Variants in FGFR2 observed in about 807,000 individuals in gnomAD.
FGFR2 encodes the protein fibroblast growth factor receptor 2, also known as BEK fibroblast growth factor receptor.
In FGFR2, 19 loss-of-function variants were observed where a neutral mutation model predicts 95.9. The observed-to-expected ratio is 0.20, with a 90% CI of 0.14 to 0.29. FGFR2 has a LOEUF of 0.29. Ranked by LOEUF, FGFR2 falls within the 10% of genes least tolerant of loss-of-function variation. The probability of loss-of-function intolerance (pLI) is 1.00; values close to 1 mark genes in which losing one functional copy is unlikely to be tolerated. For synonymous variants in FGFR2, 392 were observed against 393.3 expected (o/e 1.00, Z 0.04); for missense variants, 707 against 1,056.9 (o/e 0.67, Z 4.59).
chr10:121,500,664 G>A (rs1847479547), intron 11 of FGFR2, among the ~76,000 whole-genome samples, 162 bp downstream of exon 11: 1 of 152,196 alleles, frequency 6.6e-6, no homozygotes, highest in African/African-American at 2.4e-5. Context: ...AAGATAAATA[G>A]TCTGTCCGAG....
chr10:121,552,904 G>T (rs1049197153), intron 4 of FGFR2, among the ~76,000 whole-genome samples: 1 of 152,140 alleles, frequency 6.6e-6, no homozygotes, highest in African/African-American at 2.4e-5. Flanking sequence ...CAAACCCAAG[G>T]CAAAATGGCC....
At chr10:121,513,984 C>T (rs1000302136) in intron 9 of FGFR2, among the ~76,000 whole-genome samples, 1 of 152,088 alleles carries the variant, frequency 6.6e-6, no homozygotes, top group Non-Finnish European at 1.5e-5. Context: ...TACCTGAAGT[C>T]CCGGGAGAGG....
At chr10:121,482,762 C>G (rs1275506279) in intron 17 of FGFR2, among the ~76,000 whole-genome samples, 1 of 152,202 alleles carries the variant, frequency 6.6e-6, no homozygotes, top group Non-Finnish European at 1.5e-5. Flanking sequence ...CAGTGAGTGA[C>G]AGACGAGTGT....
intron 2 of FGFR2, among the ~76,000 whole-genome samples, chr10:121,588,176 TG>T (rs1167041350): frequency 4.6e-5 from 7 of 151,178 alleles, no homozygotes; most frequent in African/African-American, 1.2e-4. Context: ...CATTTATAAG[TG>T]GGAGCTAAAT....
chr10:121,572,535 C>T (rs1176759751), intron 2 of FGFR2, among the ~76,000 whole-genome samples: 5 of 151,970 alleles, frequency 3.3e-5, no homozygotes, highest in African/African-American at 1.2e-4. Flanking sequence ...AGAGGAGAAT[C>T]GTTTAACCCA....
chr10:121,515,013 T>C, intron 9 of FGFR2, 104 bp downstream of exon 9: 3 of 1,087,848 alleles, frequency 2.8e-6, no homozygotes, highest in Non-Finnish European at 4.1e-6. Context: ...CACTCGCACA[T>C]GGAAGCTCAC....
chr10:121,594,365 T>C (rs1383373475), intron 1 of FGFR2, among the ~76,000 whole-genome samples: 1 of 152,216 alleles, frequency 6.6e-6, no homozygotes, highest in Non-Finnish European at 1.5e-5. Context: ...CGGGTTGGCA[T>C]AACCAACCTC....
intron 4 of FGFR2, among the ~76,000 whole-genome samples, chr10:121,559,609 C>T (rs1856662968): frequency 6.6e-6 from 1 of 152,240 alleles, no homozygotes; most frequent in Non-Finnish European, 1.5e-5. Context: ...CTCCTCACAG[C>T]AGTATCTCCC....
At chr10:121,507,300 G>A (rs1848440611) in intron 9 of FGFR2, among the ~76,000 whole-genome samples, 2 of 152,294 alleles carry the variant, frequency 1.3e-5, no homozygotes, top group South Asian at 4.1e-4. Context: ...TTAAAAACAA[G>A]ACAGGGGCCA....
chr10:121,591,075 A>G (rs1862583315), intron 2 of FGFR2, among the ~76,000 whole-genome samples: 1 of 151,918 alleles, frequency 6.6e-6, no homozygotes, highest in African/African-American at 2.4e-5. Context: ...GCCCATTTTC[A>G]GCTGTTAAAA....
At chr10:121,597,266 C>G (rs1294217029) in intron 1 of FGFR2, among the ~76,000 whole-genome samples, 1 of 152,202 alleles carries the variant, frequency 6.6e-6, no homozygotes, top group Non-Finnish European at 1.5e-5. Context: ...AATGAGCGCG[C>G]AAGTTAGAAC....
At chr10:121,550,264 A>G (rs1855173541) in intron 5 of FGFR2, among the ~76,000 whole-genome samples, 1 of 152,010 alleles carries the variant, frequency 6.6e-6, no homozygotes, top group African/African-American at 2.4e-5. Flanking sequence ...TGTCCCTCCC[A>G]TTGCCAGAGT....
chr10:121,578,363 C>T (rs902396422), intron 2 of FGFR2, among the ~76,000 whole-genome samples: 30 of 152,288 alleles, frequency 2.0e-4, no homozygotes, highest in Non-Finnish European at 4.1e-4. Flanking sequence ...GCCTGGCAGG[C>T]TCCTATTCAG....
Position 121,517,553 on chromosome 10 carries a change from G to A in FGFR2, c.940-90C>T, listed in dbSNP as rs2134264097. 6.7e-7 allele frequency: 1 copy of A among 1,499,804 alleles called. No homozygotes were observed. Among genetic ancestry groups the A allele is most frequent in the South Asian group, 1.1e-5 (1 of 87,262 alleles). The allele number at this position is 1,499,804 out of a possible 1,614,324, so 92.9% of individuals were successfully genotyped here. A position where few individuals can be genotyped will look rare whatever the true frequency, so the allele number is the denominator to read the frequency against. Reference sequence around the variant, plus strand: ...GGAACCACAAGGCGTCGCACCGGGGGCTTCAGGGGGTGCTGGCCACTGGGA... The same window carrying A: ...GGAACCACAAGGCGTCGCACCGGGGACTTCAGGGGGTGCTGGCCACTGGGA... On this transcript the variant is annotated intron_variant, in intron 7 of 17. Transcript: ENST00000358487. This position sits in a 1 kb window ranked among gnomAD's most constrained non-coding sequence, Gnocchi z 4.7.
chr10:121,580,918 C>T (rs1471048894), intron 2 of FGFR2, among the ~76,000 whole-genome samples: 1 of 35,016 alleles, frequency 2.9e-5, no homozygotes, highest in Non-Finnish European at 8.9e-5. Context: ...GGGCTGTGCG[C>T]CGGCTCCCAC....
chr10:121,529,960 T>C (rs1851880999), intron 6 of FGFR2, among the ~76,000 whole-genome samples: 1 of 152,162 alleles, frequency 6.6e-6, no homozygotes, highest in Admixed American at 6.5e-5. Context: ...GCCAAAGCAA[T>C]GAGGCTCCCA....
chr10:121,526,351 TAGG>T (rs1410151732), intron 6 of FGFR2, among the ~76,000 whole-genome samples: 2 of 152,048 alleles, frequency 1.3e-5, no homozygotes, highest in Non-Finnish European at 2.9e-5. Flanking sequence ...GCATGGTTAT[TAGG>T]AGGAGGAGGA....
intron 17 of FGFR2, 34 bp downstream of exon 17, chr10:121,483,664 C>G: frequency 2.0e-6 from 3 of 1,514,870 alleles, no homozygotes; most frequent in Non-Finnish European, 2.7e-6. Flanking sequence ...ACAAGACAAC[C>G]AAGGACAAGG....
chr10:121,572,598 C>A (rs1337231404), intron 2 of FGFR2, among the ~76,000 whole-genome samples: 3 of 151,810 alleles, frequency 2.0e-5, no homozygotes, highest in Non-Finnish European at 4.4e-5. Flanking sequence ...CCAGCCTGGG[C>A]GACATGAGTG....
Sources: allele counts gnomAD v4.1 joint callset (sites outside exome capture counted in the v4.1 genomes callset), GRCh38; gene constraint gnomAD v4.1.1; non-coding constraint Gnocchi (gnomAD v3.1); transcripts MANE v1.5; gene names NCBI Gene and HGNC (gene_info 2026-07-23, HGNC 2026-07-21).